Variants in NETO1 observed in about 807,000 individuals in gnomAD.
NETO1 encodes neuropilin and tolloid-like protein 1.
In NETO1, 26 loss-of-function variants were observed where a neutral mutation model predicts 61.3. The ratio of observed to expected loss-of-function variants is 0.42; its 90% CI spans 0.31 to 0.59. NETO1 has a LOEUF of 0.59. Ranked by LOEUF, NETO1 falls within the 20% of genes least tolerant of loss-of-function variation. NETO1 has a pLI of 0.12. For missense variants in NETO1, 531 were observed against 662.8 expected, an observed-to-expected ratio of 0.80 and a Z score of 2.18; for synonymous variants, 225 against 225.8, an observed-to-expected ratio of 1.00 and a Z score of 0.03.
chr18:72,803,511 TC>T (rs2072573647), intron 4 of NETO1, among the ~76,000 whole-genome samples: 2 of 152,238 alleles, frequency 1.3e-5, no homozygotes, highest in South Asian at 4.1e-4. Context: ...TAATCACCCC[TC>T]CCTGAAAAGG....
At chr18:72,762,514 A>ACAT (rs1444093416) in intron 7 of NETO1, among the ~76,000 whole-genome samples, 1 of 152,216 alleles carries the variant, frequency 6.6e-6, no homozygotes, top group Non-Finnish European at 1.5e-5. Flanking sequence ...ATATACATTA[A>ACAT]AAACACACAA....
At chr18:72,834,902 AT>A in intron 4 of NETO1, 1 of 808,836 alleles carries the variant, frequency 1.2e-6, no homozygotes, top group Non-Finnish European at 1.5e-6. Flanking sequence ...TTATATAATT[AT>A]AATCTTTTAA....
At chr18:72,777,453 C>T (rs539237307) in intron 7 of NETO1, among the ~76,000 whole-genome samples, 326 of 130,538 alleles carry the variant, frequency 2.5e-3, no homozygotes, top group Middle Eastern at 5.8e-3. Context: ...AAAAAAAAAA[C>T]AAAAAAGGCC....
chr18:72,787,532 C>A (rs1430452656), intron 6 of NETO1, among the ~76,000 whole-genome samples: 1 of 152,112 alleles, frequency 6.6e-6, no homozygotes, highest in Non-Finnish European at 1.5e-5. Context: ...TCTAACATTG[C>A]ATGTAGAAAC....
At chr18:72,847,235 C>A (rs183107693) in intron 4 of NETO1, among the ~76,000 whole-genome samples, 3 of 152,178 alleles carry the variant, frequency 2.0e-5, no homozygotes, top group Admixed American at 6.5e-5. Flanking sequence ...TGGGCACATG[C>A]CCTGCTGATT....
chr18:72,840,447 C>A (rs1283733110), intron 4 of NETO1, among the ~76,000 whole-genome samples: 3 of 152,174 alleles, frequency 2.0e-5, no homozygotes, highest in African/African-American at 4.8e-5. Flanking sequence ...ACAAACAAAT[C>A]GCTGAGTGCC....
rs2070540599 is a variant in NETO1 at position 72,750,066 on chromosome 18, G to A, written c.1537C>T (p.Gln513Ter). The change falls in exon 9 of 11, where the codon CAG becomes TAG. Residue 513 changes from glutamine (Q) to a stop codon, truncating the protein, a stop_gained. Coordinates refer to ENST00000327305, the MANE Select transcript of NETO1 (RefSeq NM_138966.5). LOFTEE classifies it high-confidence loss of function. ...AAAAAATCTATTGATACTGACCGCTGGACGGCTTTATCGTGTCTGGACAGC... is the reference window on the plus strand; with the variant it reads ...AAAAAATCTATTGATACTGACCGCTAGACGGCTTTATCGTGTCTGGACAGC... ...HRLSRHDKAV[Q>*]RFCLIGSLSK... 2 of 1,573,644 alleles carry A rather than the reference G, an allele frequency of 1.3e-6. No homozygotes were observed. The highest frequency in any genetic ancestry group is 1.7e-6 in the Non-Finnish European group (2 of 1,159,438).
chr18:72,812,440 C>G (rs534074430), intron 4 of NETO1, among the ~76,000 whole-genome samples: 1 of 152,314 alleles, frequency 6.6e-6, no homozygotes, highest in Non-Finnish European at 1.5e-5. Flanking sequence ...GTGATTTTCG[C>G]CAACGTCATC....
chr18:72,846,074 A>AT (rs1202130344), intron 4 of NETO1, among the ~76,000 whole-genome samples: 2 of 151,882 alleles, frequency 1.3e-5, no homozygotes, highest in Non-Finnish European at 2.9e-5. Context: ...CTGTATCTGG[A>AT]TTTTTTTCCA....
At chr18:72,811,759 C>T (rs921645496) in intron 4 of NETO1, among the ~76,000 whole-genome samples, 11 of 152,080 alleles carry the variant, frequency 7.2e-5, no homozygotes, top group African/African-American at 2.7e-4. Flanking sequence ...AAGCTGTGAT[C>T]GTACCACCTT....
chr18:72,777,159 T>C (rs919031287), intron 7 of NETO1, among the ~76,000 whole-genome samples: 3 of 152,178 alleles, frequency 2.0e-5, no homozygotes, highest in African/African-American at 7.2e-5. Context: ...GGCTCATGCC[T>C]GTAATCCCAG....
At chr18:72,781,091 T>C (rs887656441) in intron 7 of NETO1, among the ~76,000 whole-genome samples, 12 of 152,204 alleles carry the variant, frequency 7.9e-5, no homozygotes, top group Non-Finnish European at 1.5e-4. Flanking sequence ...GGTTCCTCTA[T>C]GTTATTGATT....
intron 3 of NETO1, among the ~76,000 whole-genome samples, chr18:72,864,048 G>A (rs1487689613): frequency 2.0e-5 from 3 of 152,004 alleles, no homozygotes; most frequent in Admixed American, 6.6e-5. Context: ...GTGAAGTGCC[G>A]TCTCTACCAA....
At chr18:72,812,745 A>G (rs2072908514) in intron 4 of NETO1, among the ~76,000 whole-genome samples, 1 of 152,156 alleles carries the variant, frequency 6.6e-6, no homozygotes, top group Non-Finnish European at 1.5e-5. Flanking sequence ...CGAAATATTC[A>G]GTTTCTCCTA....
Position 72,750,464 on chromosome 18 carries a change from T to G in NETO1, c.1139A>C (p.Asp380Ala). 6.2e-7 allele frequency: 1 copy of G among 1,614,124 alleles called. No individual in the cohort carries two copies. Among genetic ancestry groups the G allele is most frequent in the South Asian group, 1.1e-5 (1 of 91,082 alleles). The stretch of plus-strand genomic sequence containing the variant: ...AAATACCTCCTGGAAAACTGTCTGG[T>G]CAAAGTCTGATTTCCTTTGGACATA... ...KKYVQRKSDF[D>A]QTVFQEVFEP... The change falls in exon 9 of 11, where the codon GAC becomes GCC. Residue 380 changes from aspartate to alanine, a missense_variant. Physicochemically the swap from Asp to Ala is moderately radical, Grantham distance 126. Coordinates refer to ENST00000327305, the MANE Select transcript of NETO1 (RefSeq NM_138966.5).
At chr18:72,821,559 C>CA (rs11420100) in intron 4 of NETO1, among the ~76,000 whole-genome samples, 37,176 of 86,920 alleles carry the variant, frequency 0.43, 6,576 homozygotes, top group African/African-American at 0.53. Flanking sequence ...GGGTGAAACT[C>CA]AAAAAAAAAA....
At chr18:72,794,676 C>G (rs1051926012) in intron 4 of NETO1, among the ~76,000 whole-genome samples, 1 of 152,006 alleles carries the variant, frequency 6.6e-6, no homozygotes, top group South Asian at 2.1e-4. Context: ...CTCTAATTAT[C>G]AAATAAAAAT....
intron 4 of NETO1, chr18:72,834,421 C>T: frequency 1.0e-6 from 1 of 974,300 alleles, no homozygotes; most frequent in South Asian, 4.8e-5. Context: ...GAAAATTTCA[C>T]TGAAATTTAA....
At chr18:72,776,127 C>T (rs980214707) in intron 7 of NETO1, among the ~76,000 whole-genome samples, 4 of 152,088 alleles carry the variant, frequency 2.6e-5, no homozygotes, top group East Asian at 1.9e-4. Context: ...TGGCTTTGGG[C>T]GAGGGATCTC....
Sources: allele counts gnomAD v4.1 joint callset (sites outside exome capture counted in the v4.1 genomes callset), GRCh38; gene constraint gnomAD v4.1.1; transcripts MANE v1.5; gene names NCBI Gene and HGNC (gene_info 2026-07-23, HGNC 2026-07-21).